The following MLIP variants were observed in gnomAD, a reference collection of about 807,000 sequenced individuals.
MLIP encodes the protein muscular LMNA interacting protein, also known as muscular LMNA-interacting protein.
Under a neutral mutation model 84.8 loss-of-function variants are expected in MLIP, and 79 were observed. The observed-to-expected ratio is 0.93, with a 90% CI of 0.78 to 1.12. The LOEUF (loss-of-function observed/expected upper bound fraction) is 1.12, where lower values mean the gene tolerates loss of function less well. MLIP is among the 50% of genes most tolerant of loss of function. MLIP has a pLI of 0.00. For synonymous variants in MLIP, 504 were observed against 463.0 expected, an observed-to-expected ratio of 1.09 and a Z score of -1.14; for missense variants, 1,257 against 1,160.6, an observed-to-expected ratio of 1.08 and a Z score of -1.21.
intron 4 of MLIP, 123 bp downstream of exon 4, chr6:54,138,409 G>C: frequency 1.9e-6 from 2 of 1,073,630 alleles, no homozygotes; most frequent in Non-Finnish European, 2.6e-6. Context: ...GGAAGAAAAA[G>C]TGCAAGACGG....
At chr6:54,138,422 C>T (rs751741086) in intron 4 of MLIP, 136 bp downstream of exon 4, 3 of 937,100 alleles carry the variant, frequency 3.2e-6, no homozygotes, top group Non-Finnish European at 4.6e-6. Context: ...CAAGACGGTA[C>T]CAGGACTTGG....
rs138950260 is a variant in MLIP at position 54,240,096 on chromosome 6, C to G, written c.2922+9179C>G. Reference sequence around the variant, plus strand: ...CCTATACTTGAAAAAGTAATTCAAACTCTTGCTTTAACTTTCTTACCTGTG... The same window carrying G: ...CCTATACTTGAAAAAGTAATTCAAAGTCTTGCTTTAACTTTCTTACCTGTG... On this transcript the variant is annotated intron_variant, in intron 12 of 13. Coordinates refer to ENST00000502396, the MANE Select transcript of MLIP (RefSeq NM_001281747.2). Among the ~76,000 whole-genome samples, 338 of 152,276 alleles carry G rather than the reference C, an allele frequency of 2.2e-3. 2 individuals are homozygous for G. Among genetic ancestry groups the G allele is most frequent in the African/African-American group, 7.8e-3 (324 of 41,558 alleles).
intron 1 of MLIP, among the ~76,000 whole-genome samples, chr6:54,085,216 G>T (rs892954157): frequency 2.0e-5 from 3 of 152,104 alleles, no homozygotes; most frequent in Non-Finnish European, 4.4e-5. Flanking sequence ...TTTCTAACTG[G>T]CTGTGGTTCC....
At chr6:54,241,463 C>T (rs562327730) in intron 12 of MLIP, among the ~76,000 whole-genome samples, 83 of 152,104 alleles carry the variant, frequency 5.5e-4, no homozygotes, top group African/African-American at 1.8e-3. Flanking sequence ...AGTGTTTACA[C>T]ATTCAGTATT....
chr6:54,062,413 C>G (rs1225936684), intron 1 of MLIP, among the ~76,000 whole-genome samples: 1 of 152,138 alleles, frequency 6.6e-6, no homozygotes, highest in Non-Finnish European at 1.5e-5. Flanking sequence ...TTTTAAGGGC[C>G]TTTTGCCAAG....
intron 11 of MLIP, among the ~76,000 whole-genome samples, chr6:54,226,302 A>G (rs183604615): frequency 2.0e-5 from 3 of 152,314 alleles, no homozygotes; most frequent in East Asian, 3.9e-4. Flanking sequence ...AAGTGATGCT[A>G]TAAGGGGTTA....
At chr6:54,032,294 G>A (rs1229845642) in intron 1 of MLIP, 1 of 152,146 alleles carries the variant, frequency 6.6e-6, no homozygotes, top group Non-Finnish European at 1.5e-5. Context: ...TATGATTACA[G>A]AGATACTTAT....
rs571845195 is a variant in MLIP, at chr6:54,055,107, T to C, written c.63+36016T>C. Among the ~76,000 whole-genome samples, 3 of 152,234 alleles carry C rather than the reference T, an allele frequency of 2.0e-5. No homozygotes were observed. The South Asian group carries it at 6.2e-4, about 32-fold the overall frequency. On this transcript the variant is annotated intron_variant, in intron 1 of 12. Coordinates refer to the MLIP transcript ENST00000274897. The stretch of plus-strand genomic sequence containing the variant: ...TTTCACTGTGTTAGCAGGATGGTCT[T>C]GATCTCCTGACCTCGTGATCCGCCT...
At chr6:54,044,727 G>A (rs148162723) in intron 1 of MLIP, among the ~76,000 whole-genome samples, 122 of 151,330 alleles carry the variant, frequency 8.1e-4, no homozygotes, top group Middle Eastern at 6.8e-3. Context: ...CCACTATGAA[G>A]ACTTTAGGTG....
At chr6:54,257,529 G>A (rs1042663162) in intron 13 of MLIP, among the ~76,000 whole-genome samples, 168 bp downstream of exon 13, 3 of 152,072 alleles carry the variant, frequency 2.0e-5, no homozygotes, top group African/African-American at 4.8e-5. Context: ...AGTGAAATAA[G>A]TAAATTCTTG....
At chr6:54,040,826 A>G (rs1250240727) in intron 1 of MLIP, among the ~76,000 whole-genome samples, 2 of 152,110 alleles carry the variant, frequency 1.3e-5, no homozygotes, top group South Asian at 4.1e-4. Flanking sequence ...AGAAAACCAA[A>G]TACTGCATGT....
intron 12 of MLIP, among the ~76,000 whole-genome samples, chr6:54,248,487 G>A (rs56843634): frequency 0.026 from 3,961 of 152,204 alleles, 162 homozygotes; most frequent in African/African-American, 0.091. Context: ...AATCCCCTTA[G>A]GGAAGTGGTT....
At chr6:54,093,274 A>G (rs1484380537) in intron 1 of MLIP, among the ~76,000 whole-genome samples, 1 of 152,104 alleles carries the variant, frequency 6.6e-6, no homozygotes, top group African/African-American at 2.4e-5. Flanking sequence ...GTGTGTGTTC[A>G]TATATATCTG....
intron 12 of MLIP, 84 bp downstream of exon 12, chr6:54,231,001 A>C: frequency 9.0e-7 from 1 of 1,111,626 alleles, no homozygotes; most frequent in Non-Finnish European, 1.3e-6. Context: ...ATGTGGAGGA[A>C]ACATGTGTTA....
chr6:54,081,829 C>T (rs995195991), intron 1 of MLIP, among the ~76,000 whole-genome samples: 5 of 152,122 alleles, frequency 3.3e-5, no homozygotes, highest in African/African-American at 1.2e-4. Context: ...TGTTCTTTAT[C>T]TTTAAGTAGG....
chr6:54,257,124 C>T (rs1011219750), intron 12 of MLIP, among the ~76,000 whole-genome samples, 184 bp from the exon 13 acceptor site: 2 of 152,184 alleles, frequency 1.3e-5, no homozygotes, highest in African/African-American at 4.8e-5. Flanking sequence ...TACTCACCCT[C>T]TGCCAAAATA....
chr6:54,100,034 A>C (rs1315528436), intron 1 of MLIP, among the ~76,000 whole-genome samples: 4 of 152,170 alleles, frequency 2.6e-5, no homozygotes, highest in African/African-American at 9.7e-5. Flanking sequence ...CATTGGTTCT[A>C]CGTACACACT....
intron 9 of MLIP, among the ~76,000 whole-genome samples, chr6:54,175,574 T>C (rs537590053): frequency 6.6e-6 from 1 of 152,214 alleles, no homozygotes; most frequent in South Asian, 2.1e-4. Flanking sequence ...GTAGAAATGC[T>C]ACTGATTTTT....
intron 8 of MLIP, among the ~76,000 whole-genome samples, chr6:54,167,934 A>G (rs923338315): frequency 6.6e-6 from 1 of 151,810 alleles, no homozygotes; most frequent in Non-Finnish European, 1.5e-5. Flanking sequence ...AGTTTGGGTT[A>G]GCTTCTCAAG....
Sources: gnomAD v4.1 joint callset for allele counts (sites outside exome capture counted in the v4.1 genomes callset) on GRCh38, gnomAD v4.1.1 for gene constraint, MANE v1.5 for transcripts, NCBI Gene and HGNC (gene_info 2026-07-23, HGNC 2026-07-21) for gene names.